Variants in MICU3 observed in about 807,000 individuals in gnomAD.
MICU3 encodes calcium uptake protein 3, mitochondrial.
MICU3 carries 62 observed loss-of-function variants against 66.5 expected under a neutral mutation model. That is an observed-to-expected ratio of 0.93 (90% CI 0.76 to 1.15). MICU3 has a LOEUF of 1.15. Among genes scored for constraint, MICU3 ranks in the 50% most tolerant of loss-of-function variants. The pLI is 0.00. For synonymous variants in MICU3, 308 were observed against 240.7 expected (o/e 1.28, Z -2.59); for missense variants, 779 against 664.4 (o/e 1.17, Z -1.90).
chr8:17,100,460 C>G (rs1340484232), intron 9 of MICU3, among the ~76,000 whole-genome samples: 1 of 151,682 alleles, frequency 6.6e-6, no homozygotes, highest in African/African-American at 2.4e-5. Flanking sequence ...TGAGAATTAA[C>G]TACAGTTCAG....
intron 2 of MICU3, among the ~76,000 whole-genome samples, chr8:17,066,543 A>ATT (rs777756919): frequency 1.0e-4 from 11 of 104,908 alleles, no homozygotes; most frequent in East Asian, 5.3e-4. Flanking sequence ...ATATATATAG[A>ATT]TTTTTTTTTT....
chr8:17,132,198 A>G, the MICU3 span: 1 of 152,356 alleles, frequency 6.6e-6, no homozygotes, highest in East Asian at 1.9e-4. Flanking sequence ...GAGCAAGAAG[A>G]GGAAAATGTG....
intron 1 of MICU3, among the ~76,000 whole-genome samples, chr8:17,033,199 A>G (rs942134988): frequency 2.6e-5 from 4 of 152,238 alleles, no homozygotes; most frequent in Non-Finnish European, 5.9e-5. Flanking sequence ...TGAGGAAGGC[A>G]TGTTGAAATA....
At chr8:17,076,122 G>A (rs1820354728) in intron 3 of MICU3, among the ~76,000 whole-genome samples, 1 of 151,970 alleles carries the variant, frequency 6.6e-6, no homozygotes, top group Admixed American at 6.6e-5. Context: ...GACTTCCTGG[G>A]CTCAAGTGAT....
chr8:17,064,866 T>A (rs1818443409), intron 2 of MICU3, among the ~76,000 whole-genome samples: 1 of 152,112 alleles, frequency 6.6e-6, no homozygotes, highest in Non-Finnish European at 1.5e-5. Context: ...CTTTTTAGAT[T>A]ATTATAGGTA....
At chr8:17,108,978 C>G (rs1162589221) in intron 11 of MICU3, among the ~76,000 whole-genome samples, 1 of 152,040 alleles carries the variant, frequency 6.6e-6, no homozygotes, top group African/African-American at 2.4e-5. Flanking sequence ...ATGTTGTCCC[C>G]TCTGATGAGA....
intron 14 of MICU3, among the ~76,000 whole-genome samples, chr8:17,119,466 T>C (rs568508832): frequency 1.3e-5 from 2 of 152,162 alleles, no homozygotes; most frequent in East Asian, 3.9e-4. Context: ...GATTTTATTG[T>C]TGGTTTAAAA....
At chr8:17,051,119 A>G (rs565941453) in intron 1 of MICU3, among the ~76,000 whole-genome samples, 3 of 152,316 alleles carry the variant, frequency 2.0e-5, no homozygotes, top group Non-Finnish European at 4.4e-5. Context: ...TATTCCAAAA[A>G]AGTTCATTGA....
chr8:17,056,655 G>C (rs1030448139), intron 1 of MICU3, among the ~76,000 whole-genome samples: 2 of 152,218 alleles, frequency 1.3e-5, no homozygotes, highest in African/African-American at 4.8e-5. Context: ...GATTTATCCA[G>C]ATACTGTGTT....
chr8:17,077,906 TATA>T, intron 4 of MICU3, 45 bp downstream of exon 4: 1 of 1,148,684 alleles, frequency 8.7e-7, no homozygotes. Flanking sequence ...CTATATTATG[TATA>T]CTATTTATAT....
intron 1 of MICU3, among the ~76,000 whole-genome samples, chr8:17,054,630 G>T (rs1010681007): frequency 2.6e-5 from 4 of 151,994 alleles, no homozygotes; most frequent in Non-Finnish European, 5.9e-5. Context: ...GGTAATGTGG[G>T]TAGGTTTGTG....
chr8:17,061,113 C>G (rs551958833), intron 1 of MICU3, among the ~76,000 whole-genome samples: 6 of 152,244 alleles, frequency 3.9e-5, no homozygotes, highest in Non-Finnish European at 8.8e-5. Context: ...CAGGGCATTA[C>G]TATAAAACTG....
intron 9 of MICU3, chr8:17,102,804 A>G (rs543191809): frequency 2.0e-5 from 3 of 151,932 alleles, no homozygotes; most frequent in Non-Finnish European, 4.4e-5. Context: ...CAAATCCTCA[A>G]AGAAGTTGGT....
At chr8:17,115,696 A>G (rs1397560285) in intron 12 of MICU3, among the ~76,000 whole-genome samples, 1 of 152,172 alleles carries the variant, frequency 6.6e-6, no homozygotes. Context: ...TTCTTAAAAA[A>G]TTAACTTTTC....
In MICU3 at chr8:17,027,516, C is replaced by T. The variant is rs1309465291; in HGVS notation, c.237C>T (p.Gly79=). 2 of 1,285,110 alleles carry T rather than the reference C, an allele frequency of 1.6e-6. No homozygotes were observed. Among genetic ancestry groups the T allele is most frequent in the Non-Finnish European group, 2.0e-6 (2 of 1,020,400 alleles). 79.6% of individuals were successfully genotyped at this position (1,285,110 alleles called of 1,614,324 possible). The stretch of plus-strand genomic sequence containing the variant: ...CGGCGGCCGGCGGGGGGCTGGTCGG[C>T]CTGGTATGCTACCAGCTGTACGGGG... ...VAAAAGGGLV[G]LVCYQLYGDP... The change falls in exon 1 of 15, where the codon GGC becomes GGT. Residue 79 remains glycine, a synonymous_variant. Coordinates refer to ENST00000318063, the MANE Select transcript of MICU3 (RefSeq NM_181723.3).
chr8:17,051,935 C>G (rs969542382), intron 1 of MICU3, among the ~76,000 whole-genome samples: 2 of 151,884 alleles, frequency 1.3e-5, no homozygotes, highest in Non-Finnish European at 2.9e-5. Context: ...GGAATAGCAC[C>G]GTGCGTTATG....
At chr8:17,112,104 TG>T (rs575797777) in intron 11 of MICU3, among the ~76,000 whole-genome samples, 237 of 152,188 alleles carry the variant, frequency 1.6e-3, no homozygotes, top group African/African-American at 5.3e-3. Flanking sequence ...TCCCTCAACA[TG>T]GGGGGATTAT....
chr8:17,027,727 C>G, intron 1 of MICU3, 67 bp downstream of exon 1: 1 of 1,256,024 alleles, frequency 8.0e-7, no homozygotes, highest in East Asian at 3.2e-5. Context: ...ACGCAGGACC[C>G]TGGAGGCTGT....
At chr8:17,112,305 G>A (rs775882039) in intron 11 of MICU3, among the ~76,000 whole-genome samples, 3 of 152,000 alleles carry the variant, frequency 2.0e-5, no homozygotes, top group African/African-American at 7.2e-5. Context: ...TTTTATTTTT[G>A]TTAGCAGATA....
Sources: allele counts gnomAD v4.1 joint callset (sites outside exome capture counted in the v4.1 genomes callset), GRCh38; gene constraint gnomAD v4.1.1; transcripts MANE v1.5; gene names NCBI Gene and HGNC (gene_info 2026-07-23, HGNC 2026-07-21).